CLEC4G: variants seen among roughly 807,000 people sequenced by gnomAD.
The protein encoded by CLEC4G is C-type lectin domain family 4 member G.
A neutral mutation model predicts 37.0 loss-of-function variants in CLEC4G; 34 were observed. The ratio of observed to expected loss-of-function variants is 0.92; its 90% CI spans 0.70 to 1.22. The LOEUF is 1.22. Among genes scored for constraint, CLEC4G ranks in the 50% most tolerant of loss-of-function variants. CLEC4G has a pLI of 0.00. For missense variants in CLEC4G, 390 were observed against 392.9 expected, an observed-to-expected ratio of 0.99 and a Z score of 0.06; for synonymous variants, 167 against 165.6, an observed-to-expected ratio of 1.01 and a Z score of -0.06.
rs558370802 is a variant in CLEC4G, at chr19:7,731,494, C to T, written c.166+167G>A. Among the ~76,000 whole-genome samples, 160 of 152,344 alleles carry T rather than the reference C, an allele frequency of 1.1e-3. 1 individual carries two copies. Among genetic ancestry groups the T allele is most frequent in the African/African-American group, 3.8e-3 (156 of 41,592 alleles). The stretch of plus-strand genomic sequence containing the variant: ...GCGCGGGGACTCGCGCACATACGAG[C>T]ACGCCATGTGCACACGCGTGAGTGC... On this transcript the variant is annotated intron_variant, in intron 2 of 8. Transcript: ENST00000328853.
chr19:7,729,237 T>A lies in CLEC4G; in HGVS notation c.*129A>T, dbSNP rs1369528992. 1.4e-6 allele frequency: 1 copy of A among 737,982 alleles called. No individual in the cohort carries two copies. The highest frequency in any genetic ancestry group is 1.9e-5 in the Admixed American group (1 of 51,706). 45.7% of individuals were successfully genotyped at this position (737,982 alleles called of 1,614,324 possible). On this transcript the variant is annotated 3_prime_UTR_variant, in exon 9 of 9. Coordinates refer to ENST00000328853, the MANE Select transcript of CLEC4G (RefSeq NM_198492.4). ...ACAGGGCTATGTTGGGCCAAGTGTTTCTGAGACTCAGCAGCGGTGGATGAG... is the reference window on the plus strand; with the variant it reads ...ACAGGGCTATGTTGGGCCAAGTGTTACTGAGACTCAGCAGCGGTGGATGAG...
Position 7,731,290 on chromosome 19 carries a change from C to A in CLEC4G, c.196G>T (p.Gly66Cys), listed in dbSNP as rs776081476. The change falls in exon 3 of 9, where the codon GGC becomes TGC. Residue 66 changes from glycine (G) to cysteine (C), a missense_variant. Coordinates refer to ENST00000328853, the MANE Select transcript of CLEC4G (RefSeq NM_198492.4). ...ASTERAALLDGHDLLRTNASK... is the reference protein window; with the variant it reads ...ASTERAALLDCHDLLRTNASK... ...CCGTTTGTCCTCAGCAGGTCGTGGC[C>A]GTCAAGCAGCGCCGCGCGCTCCGTG... The A allele has an allele frequency of 1.0e-5, 16 of 1,587,180 alleles. No individual in the cohort carries two copies. The highest frequency in any genetic ancestry group is 1.1e-5 in the South Asian group (1 of 87,940).
chr19:7,730,222 G>A lies in CLEC4G; in HGVS notation c.479-55C>T. ...CGTGCTTCCAGGGGCAACGCACCGAGAGGATGCAGTGGGTAGGGGTTCGGC... is the reference window on the plus strand; with the variant it reads ...CGTGCTTCCAGGGGCAACGCACCGAAAGGATGCAGTGGGTAGGGGTTCGGC... On this transcript the variant is annotated intron_variant, in intron 6 of 8. Transcript: ENST00000328853. The surrounding 1 kb of genome is among the most constrained non-coding windows in gnomAD (Gnocchi z 7.3). 1.9e-6 allele frequency: 3 copies of A among 1,596,662 alleles called. No homozygotes were observed. The highest frequency in any genetic ancestry group is 1.3e-5 in the African/African-American group (1 of 74,678).
At chr19:7,731,518 G>A in intron 2 of CLEC4G, 143 bp downstream of exon 2, 2 of 1,459,820 alleles carry the variant, frequency 1.4e-6, no homozygotes, top group Non-Finnish European at 1.8e-6. Context: ...ACGCGTGAGT[G>A]CACACGGCCC....
rs1428850397 is a variant in CLEC4G, at chr19:7,730,333, A to AC, written c.478+17dup. 1.5e-6 allele frequency: 2 copies of AC among 1,298,704 alleles called. No homozygotes were observed. The highest frequency in any genetic ancestry group is 1.2e-5 in the South Asian group (1 of 83,786). The allele number at this position is 1,298,704 out of a possible 1,614,324, so 80.4% of individuals were successfully genotyped here. A position where few individuals can be genotyped will look rare whatever the true frequency, so the allele number is the denominator to read the frequency against. On this transcript the variant is annotated intron_variant, in intron 6 of 8. Coordinates refer to ENST00000328853, the MANE Select transcript of CLEC4G (RefSeq NM_198492.4). The surrounding 1 kb of genome is among the most constrained non-coding windows in gnomAD (Gnocchi z 7.3). Reference sequence around the variant, plus strand: ...CTTACGCCCTCACAGCCCGCCCCCGACCCCCCGTCTCGCTCACTGTTCTGG... The same window carrying AC: ...CTTACGCCCTCACAGCCCGCCCCCGACCCCCCCGTCTCGCTCACTGTTCTGG...
chr19:7,730,788 G>C lies in CLEC4G; in HGVS notation c.355C>G (p.Gln119Glu). The change falls in exon 5 of 9, where the codon CAG (glutamine) becomes GAG (glutamate). Residue 119 changes from glutamine (Q) to glutamate (E), a missense_variant. Transcript: ENST00000328853. The surrounding 1 kb of genome is among the most constrained non-coding windows in gnomAD (Gnocchi z 7.3). Reference sequence around the variant, plus strand: ...CGCAGTTCCCGCAGGGCGCTCTCCTGCTCCATCAGCTTCGCCTGCGCCTCC... The same window carrying C: ...CGCAGTTCCCGCAGGGCGCTCTCCTCCTCCATCAGCTTCGCCTGCGCCTCC... ...LGEAQAKLME[Q>E]ESALRELRER... 1 of 1,532,900 alleles carries C rather than the reference G, an allele frequency of 6.5e-7. No homozygotes were observed. Among genetic ancestry groups the C allele is most frequent in the Non-Finnish European group, 8.7e-7 (1 of 1,146,008 alleles). The allele number at this position is 1,532,900 out of a possible 1,614,324, so 95.0% of individuals were successfully genotyped here.
At chr19:7,731,005 G>T (rs747029623) in intron 4 of CLEC4G, 21 bp downstream of exon 4, 1 of 1,558,614 alleles carries the variant, frequency 6.4e-7, no homozygotes, top group Non-Finnish European at 8.7e-7. Context: ...TGCGCCCACA[G>T]CCTCGACCGC....
intron 8 of CLEC4G, 117 bp downstream of exon 8, chr19:7,729,704 C>T: frequency 6.6e-7 from 1 of 1,508,996 alleles, no homozygotes; most frequent in Non-Finnish European, 8.9e-7. Flanking sequence ...GGGGTCCAGC[C>T]TGCCCATCCC....
Position 7,729,092 on chromosome 19 carries a change from G to GT in CLEC4G, c.*273_*274insA. On this transcript the variant is annotated 3_prime_UTR_variant, in exon 9 of 9. Transcript: ENST00000328853. ...AACCTTGGTTAGGGAGAGAAGTGGA[G>GT]GCATATCACGGGGACGCAGGAGCAG... 5 of 578,802 alleles carry GT rather than the reference G, an allele frequency of 8.6e-6. No homozygotes were observed. Among genetic ancestry groups the GT allele is most frequent in the Admixed American group, 4.5e-5 (2 of 44,744 alleles). The allele number at this position is 578,802 out of a possible 1,614,324, so 35.9% of individuals were successfully genotyped here. A position where few individuals can be genotyped will look rare whatever the true frequency, so the allele number is the denominator to read the frequency against.
Position 7,730,420 on chromosome 19 carries a change from C to T in CLEC4G, c.409G>A (p.Ala137Thr). 6.2e-7 allele frequency: 1 copy of T among 1,601,764 alleles called. No individual in the cohort carries two copies. The highest frequency in any genetic ancestry group is 8.5e-7 in the Non-Finnish European group (1 of 1,179,878). The change falls in exon 6 of 9, where the codon GCC (alanine) becomes ACC (threonine). Residue 137 changes from alanine to threonine, a missense_variant. Physicochemically the swap from Ala to Thr is moderately conservative, Grantham distance 58 (BLOSUM62 0). Transcript: ENST00000328853. This position sits in a 1 kb window ranked among gnomAD's most constrained non-coding sequence, Gnocchi z 7.3. The part of the protein sequence containing the change: ...RERVTQGLAE[A>T]GRGREDVRTE... ...CGGACGTCCTCACGGCCCCTGCCGG[C>T]TTCAGCCAAGCCCTGGGTCACTGCG...
chr19:7,731,368 C>T lies in CLEC4G; in HGVS notation c.167-49G>A, dbSNP rs528226356. The T allele has an allele frequency of 5.2e-6, 8 of 1,537,326 alleles. No individual in the cohort carries two copies. In the South Asian group the frequency reaches 8.4e-5, roughly 16 times the overall value. ...CGAGGCCGGGAACTCGGGAATCCTCCCCTCGCCCGGGGGGTGCAGCGTCCC... is the reference window on the plus strand; with the variant it reads ...CGAGGCCGGGAACTCGGGAATCCTCTCCTCGCCCGGGGGGTGCAGCGTCCC... On this transcript the variant is annotated intron_variant, in intron 2 of 8. Coordinates refer to ENST00000328853, the MANE Select transcript of CLEC4G (RefSeq NM_198492.4).
At chr19:7,731,144 G>C in intron 3 of CLEC4G, 56 bp from the exon 4 acceptor site, 1 of 1,598,558 alleles carries the variant, frequency 6.3e-7, no homozygotes, top group Non-Finnish European at 8.5e-7. Context: ...GGAGGACTCA[G>C]GGGACCCCCT....
intron 3 of CLEC4G, 35 bp from the exon 4 acceptor site, chr19:7,731,123 C>T (rs1223841681): frequency 2.5e-6 from 4 of 1,603,908 alleles, no homozygotes; most frequent in Non-Finnish European, 3.4e-6. Flanking sequence ...GCATGCCCCT[C>T]GGGTCACTTG....
Position 7,731,045 on chromosome 19 carries a change from G to C in CLEC4G, c.264C>G (p.Val88=), listed in dbSNP as rs752369386. The C allele has an allele frequency of 6.2e-6, 10 of 1,603,526 alleles. No individual in the cohort carries two copies. The highest frequency in any genetic ancestry group is 8.5e-6 in the Non-Finnish European group (10 of 1,179,196). The change falls in exon 4 of 9, where the codon GTC becomes GTG. Residue 88 remains valine, a synonymous_variant. Transcript: ENST00000328853. ...CCTCACAGCAGCTGTGGCAGTCTCC[G>C]ACCTCCTCCTTCAGGGCACCCAGCG... is the stretch of plus-strand genomic sequence containing the variant. ...TAALGALKEE[V]GDCHSCCSGT...
At chr19:7,731,381 G>C in intron 2 of CLEC4G, 62 bp from the exon 3 acceptor site, 1 of 1,528,702 alleles carries the variant, frequency 6.5e-7, no homozygotes, top group Non-Finnish European at 8.8e-7. Flanking sequence ...TCGCCCGGGG[G>C]GTGCAGCGTC....
Position 7,730,062 on chromosome 19 carries a change from T to A in CLEC4G, c.584A>T (p.Asp195Val), listed in dbSNP as rs1432193613. 5 of 1,605,646 alleles carry A rather than the reference T, an allele frequency of 3.1e-6. No homozygotes were observed. Among genetic ancestry groups the A allele is most frequent in the Non-Finnish European group, 4.2e-6 (5 of 1,177,580 alleles). ...AACGATCACCAGGTGCGCGCTGGCA[T>A]CTGCGCAGTGATCCTGCGCCGCCGC... ...TWAAAQDHCA[D>V]ASAHLVIVGG... The change falls in exon 7 of 9, where the codon GAT (aspartate) becomes GTT (valine). Residue 195 changes from aspartate to valine, a missense_variant. By Grantham distance (152) the Asp-to-Val change is radical. Coordinates refer to ENST00000328853, the MANE Select transcript of CLEC4G (RefSeq NM_198492.4). The surrounding 1 kb of genome is among the most constrained non-coding windows in gnomAD (Gnocchi z 7.3).
Position 7,729,955 on chromosome 19 carries a change from C to G in CLEC4G, c.628-19G>C, listed in dbSNP as rs138871018. The G allele has an allele frequency of 6.2e-7, 1 of 1,613,392 alleles. No homozygotes were observed. Among genetic ancestry groups the G allele is most frequent in the African/African-American group, 1.3e-5 (1 of 75,068 alleles). ...GGAAGCCCTAGAAAGGAGGGGACAT[C>G]TGAGCCTGCAGAGTCCGCCCCGCCC... On this transcript the variant is annotated intron_variant, in intron 7 of 8. Transcript: ENST00000328853.
Position 7,732,104 on chromosome 19 carries a change from G to A in CLEC4G, c.-2C>T, listed in dbSNP as rs137961721. 1 of 1,595,296 alleles carries A rather than the reference G, an allele frequency of 6.3e-7. No individual in the cohort carries two copies. Among genetic ancestry groups the A allele is most frequent in the Non-Finnish European group, 8.6e-7 (1 of 1,162,674 alleles). On this transcript the variant is annotated 5_prime_UTR_variant, in exon 1 of 9. Transcript: ENST00000328853. ...CTTGCTGTACCTGGTGGTGTCCATG[G>A]CGATGCAGGCACCCAGTCCTGGGCA... is the stretch of plus-strand genomic sequence containing the variant.
At position 7,730,035 on chromosome 19, in the gene CLEC4G, C is replaced by G. The variant is rs748756421; in HGVS notation, c.611G>C (p.Gly204Ala). 2 of 1,601,228 alleles carry G rather than the reference C, an allele frequency of 1.2e-6. No individual in the cohort carries two copies. Among genetic ancestry groups the G allele is most frequent in the East Asian group, 4.5e-5 (2 of 44,304 alleles). ...CCTGCGCACCTGCTCATCCAGGCCC[C>G]CAACGATCACCAGGTGCGCGCTGGC... ...ADASAHLVIVGGLDEQGFLTR... is the reference protein window; with the variant it reads ...ADASAHLVIVAGLDEQGFLTR... The change falls in exon 7 of 9, where the codon GGG (glycine) becomes GCG (alanine). Residue 204 changes from glycine to alanine, a missense_variant. Gly to Ala is a moderately conservative substitution (Grantham distance 60). Coordinates refer to ENST00000328853, the MANE Select transcript of CLEC4G (RefSeq NM_198492.4). The surrounding 1 kb of genome is among the most constrained non-coding windows in gnomAD (Gnocchi z 7.3).
Sources: gnomAD v4.1 joint callset for allele counts (sites outside exome capture counted in the v4.1 genomes callset) on GRCh38, gnomAD v4.1.1 for gene constraint, Gnocchi (gnomAD v3.1) non-coding constraint, MANE v1.5 for transcripts, NCBI Gene and HGNC (gene_info 2026-07-23, HGNC 2026-07-21) for gene names.